The following SGCG variants were observed in gnomAD, a reference collection of about 807,000 sequenced individuals.
The protein encoded by SGCG is sarcoglycan gamma.
Under a neutral mutation model 29.3 loss-of-function variants are expected in SGCG, and 26 were observed. The ratio of observed to expected loss-of-function variants is 0.89; its 90% CI spans 0.65 to 1.23. SGCG has a LOEUF of 1.23. SGCG is among the 50% of genes most tolerant of loss of function. The probability of loss-of-function intolerance (pLI) is 0.00; values close to 1 mark genes in which losing one functional copy is unlikely to be tolerated. For missense variants in SGCG, 353 were observed against 356.0 expected, an observed-to-expected ratio of 0.99 and a Z score of 0.07; for synonymous variants, 145 against 129.7, an observed-to-expected ratio of 1.12 and a Z score of -0.80.
At chr13:23,318,287 A>T (rs537624807) in intron 6 of SGCG, among the ~76,000 whole-genome samples, 19 of 151,680 alleles carry the variant, frequency 1.3e-4, no homozygotes, top group Non-Finnish European at 2.1e-4. Context: ...CAACTGTGAG[A>T]TCTCTCAAAG....
At chr13:23,275,435 G>A (rs981539371) in intron 4 of SGCG, among the ~76,000 whole-genome samples, 1 of 151,580 alleles carries the variant, frequency 6.6e-6, no homozygotes, top group African/African-American at 2.4e-5. Flanking sequence ...CCCGGGAGGC[G>A]GAGGTTGCAG....
intron 6 of SGCG, among the ~76,000 whole-genome samples, chr13:23,309,315 C>T (rs1882474191): frequency 6.6e-6 from 1 of 152,068 alleles, no homozygotes; most frequent in South Asian, 2.1e-4. Context: ...CCTTGAACTC[C>T]TGGGCTCAAA....
chr13:23,316,344 A>G (rs900800225), intron 6 of SGCG, among the ~76,000 whole-genome samples: 2 of 152,156 alleles, frequency 1.3e-5, no homozygotes, highest in Admixed American at 1.3e-4. Context: ...ATCCACCATC[A>G]TGGTATTCCA....
intron 2 of SGCG, among the ~76,000 whole-genome samples, chr13:23,220,990 G>A (rs188885511): frequency 8.5e-5 from 13 of 152,270 alleles, no homozygotes; most frequent in South Asian, 4.1e-4. Flanking sequence ...TATAAAAATC[G>A]TATCATTGAA....
At chr13:23,315,423 A>G (rs4769258) in intron 6 of SGCG, among the ~76,000 whole-genome samples, 28,903 of 152,140 alleles carry the variant, frequency 0.19, 3,321 homozygotes, top group Non-Finnish European at 0.25. Context: ...AAATGGCTCA[A>G]ATGCCCATGG....
chr13:23,182,305 T>C (rs1323602463), intron 1 of SGCG, among the ~76,000 whole-genome samples: 1 of 152,200 alleles, frequency 6.6e-6, no homozygotes, highest in Non-Finnish European at 1.5e-5. Context: ...CTCCCTAATC[T>C]GTGGCTCATC....
intron 1 of SGCG, among the ~76,000 whole-genome samples, chr13:23,187,065 G>C (rs1877006558): frequency 6.6e-6 from 1 of 152,178 alleles, no homozygotes; most frequent in Non-Finnish European, 1.5e-5. Context: ...AGGGGCAGTG[G>C]CTGGATCAGC....
intron 4 of SGCG, among the ~76,000 whole-genome samples, chr13:23,271,638 C>A (rs925963123): frequency 6.6e-5 from 10 of 152,068 alleles, no homozygotes; most frequent in African/African-American, 2.4e-4. Context: ...CTTGTGTTTT[C>A]TTTTTCCAAG....
At chr13:23,169,101 T>G in the SGCG span, among the ~76,000 whole-genome samples, 1 of 151,654 alleles carries the variant, frequency 6.6e-6, no homozygotes, top group African/African-American at 2.4e-5. Context: ...TTCCCACTAG[T>G]CCTCTCTTGC....
At position 23,233,335 on chromosome 13, in the gene SGCG, A is replaced by G. The variant is rs532513258; in HGVS notation, c.196-1276A>G. ...GCCACAAAAAGATAAATATGATATGATTCCACTTACATAAGGTACTTAGAA... is the reference window on the plus strand; with the variant it reads ...GCCACAAAAAGATAAATATGATATGGTTCCACTTACATAAGGTACTTAGAA... On this transcript the variant is annotated intron_variant, in intron 2 of 7. Transcript: ENST00000218867. Among the ~76,000 whole-genome samples the G allele has an allele frequency of 2.0e-5, 3 of 152,234 alleles. No homozygotes were observed. In the East Asian group the frequency reaches 5.8e-4, roughly 29 times the overall value.
At chr13:23,265,029 A>T (rs890523027) in intron 4 of SGCG, among the ~76,000 whole-genome samples, 1 of 152,140 alleles carries the variant, frequency 6.6e-6, no homozygotes, top group African/African-American at 2.4e-5. Context: ...GGTGACTAAA[A>T]CCTCAATAGT....
intron 6 of SGCG, among the ~76,000 whole-genome samples, chr13:23,300,457 T>C (rs1283363517): frequency 6.6e-6 from 1 of 152,172 alleles, no homozygotes; most frequent in East Asian, 1.9e-4. Context: ...TGAAACACCC[T>C]GGCTGAGAAA....
At chr13:23,162,402 C>T in the SGCG span, among the ~76,000 whole-genome samples, 1 of 152,176 alleles carries the variant, frequency 6.6e-6, no homozygotes, top group Non-Finnish European at 1.5e-5. Flanking sequence ...ATCACGAGGT[C>T]AGGAGATGGA....
intron 4 of SGCG, among the ~76,000 whole-genome samples, chr13:23,262,339 T>C (rs11619075): frequency 0.085 from 12,869 of 151,840 alleles, 709 homozygotes; most frequent in South Asian, 0.14. Flanking sequence ...AAACCACAAG[T>C]GAGAATGAGT....
At chr13:23,321,583 A>C (rs1883043888) in intron 7 of SGCG, among the ~76,000 whole-genome samples, 1 of 152,204 alleles carries the variant, frequency 6.6e-6, no homozygotes, top group Admixed American at 6.5e-5. Flanking sequence ...ATGGCTCCTC[A>C]GTGACTCACG....
chr13:23,181,036 C>G lies in SGCG; in HGVS notation c.-40C>G, dbSNP rs1041997854. On this transcript the variant is annotated 5_prime_UTR_variant, in exon 1 of 8. Transcript: ENST00000218867. ...CTGTCTGTGGTAGAGCTCGGGCCAG[C>G]TGTAGTTCATTCGCCAGTGTGCTTT... The G allele has an allele frequency of 6.6e-6, 1 of 152,084 alleles. No individual in the cohort carries two copies. The highest frequency in any genetic ancestry group is 2.4e-5 in the African/African-American group (1 of 41,400). 9.4% of individuals were successfully genotyped at this position (152,084 alleles called of 1,614,324 possible).
the SGCG span, among the ~76,000 whole-genome samples, chr13:23,171,539 T>C: frequency 6.6e-6 from 1 of 152,186 alleles, no homozygotes; most frequent in African/African-American, 2.4e-5. Flanking sequence ...AAGGAGGCTA[T>C]AAGGCATCTG....
intron 1 of SGCG, among the ~76,000 whole-genome samples, chr13:23,189,649 A>G (rs966272079): frequency 6.6e-6 from 1 of 152,212 alleles, no homozygotes; most frequent in African/African-American, 2.4e-5. Context: ...ATTTCTGGAC[A>G]TGGGGACTGG....
intron 6 of SGCG, among the ~76,000 whole-genome samples, chr13:23,304,928 T>C (rs974367487): frequency 1.3e-5 from 2 of 152,114 alleles, no homozygotes; most frequent in African/African-American, 4.8e-5. Context: ...TAATGTCTGG[T>C]AGGACTAGTT....
Sources: allele counts gnomAD v4.1 joint callset (sites outside exome capture counted in the v4.1 genomes callset), GRCh38; gene constraint gnomAD v4.1.1; transcripts MANE v1.5; gene names NCBI Gene and HGNC (gene_info 2026-07-23, HGNC 2026-07-21).